CLEC6A: variants seen among roughly 807,000 people sequenced by gnomAD.
The protein encoded by CLEC6A is C-type lectin domain containing 6A.
CLEC6A carries 22 observed loss-of-function variants against 25.7 expected under a neutral mutation model. That is an observed-to-expected ratio of 0.85 (90% confidence interval 0.61 to 1.22). The LOEUF (loss-of-function observed/expected upper bound fraction) is 1.22. Ranked by LOEUF, CLEC6A falls within the 50% of genes most tolerant of loss-of-function variation. The probability of loss-of-function intolerance (pLI) is 0.00; values close to 1 mark genes in which losing one functional copy is unlikely to be tolerated. For synonymous variants in CLEC6A, 92 were observed against 76.7 expected (o/e 1.20, Z -1.04); for missense variants, 240 against 236.8 (o/e 1.01, Z -0.09).
At chr12:8,460,739 A>T in intron 3 of CLEC6A, 1 of 1,449,062 alleles carries the variant, frequency 6.9e-7, no homozygotes, top group Non-Finnish European at 9.7e-7. Flanking sequence ...AGGGCTCCCC[A>T]CCCCACCTGG....
rs750615757 is a variant in CLEC6A at position 8,459,637 on chromosome 12, G to A, written c.162G>A (p.Leu54=). The part of the protein sequence containing the change: ...HFTYGETGKR[L]SELHSYHSSL... ...CATATGGTGAAACTGGCAAAAGGCTGTCTGAACTACACTCATATCATTCAA... is the reference window on the plus strand; with the variant it reads ...CATATGGTGAAACTGGCAAAAGGCTATCTGAACTACACTCATATCATTCAA... Residue 54 remains leucine (L), a synonymous_variant, in exon 3 of 6, where the codon CTG becomes CTA. Coordinates refer to ENST00000382073, the MANE Select transcript of CLEC6A (RefSeq NM_001007033.2). 1 of 1,613,454 alleles carries A rather than the reference G, an allele frequency of 6.2e-7. No individual in the cohort carries two copies. Among genetic ancestry groups the A allele is most frequent in the Non-Finnish European group, 8.5e-7 (1 of 1,179,522 alleles).
chr12:8,463,871 G>A (rs1391966148), intron 3 of CLEC6A, among the ~76,000 whole-genome samples: 1 of 152,202 alleles, frequency 6.6e-6, no homozygotes, highest in East Asian at 1.9e-4. Flanking sequence ...TTTGACAGAT[G>A]CTTTTATTGA....
At chr12:8,465,029 T>A (rs1246904204) in intron 3 of CLEC6A, among the ~76,000 whole-genome samples, 1 of 152,210 alleles carries the variant, frequency 6.6e-6, no homozygotes, top group Non-Finnish European at 1.5e-5. Flanking sequence ...CTCAAAGACA[T>A]ACATGATAAA....
rs754739940 is a variant in CLEC6A at position 8,457,880 on chromosome 12, G to T, written c.32-18G>T. ...TGGCCCCCTGGTAACTGCATTTGTT[G>T]TCTTCCTGATTGGACAGAGAAAAGA... On this transcript the variant is annotated intron_variant, in intron 1 of 5. Coordinates refer to ENST00000382073, the MANE Select transcript of CLEC6A (RefSeq NM_001007033.2). 1.2e-6 allele frequency: 2 copies of T among 1,606,006 alleles called. No individual in the cohort carries two copies. The highest frequency in any genetic ancestry group is 2.7e-5 in the African/African-American group (2 of 74,836).
intron 5 of CLEC6A, 81 bp downstream of exon 5, chr12:8,476,321 TA>T: frequency 2.6e-6 from 2 of 777,366 alleles, no homozygotes; most frequent in Non-Finnish European, 4.4e-6. Context: ...TTAATATTGG[TA>T]ATTATGATAA....
rs983680665 is a variant in CLEC6A, at chr12:8,477,679, C to T, written c.*215C>T. 12 of 368,952 alleles carry T rather than the reference C, an allele frequency of 3.3e-5. No individual in the cohort carries two copies. Among genetic ancestry groups the T allele is most frequent in the African/African-American group, 4.2e-5 (2 of 47,362 alleles). The allele number at this position is 368,952 out of a possible 1,614,324, so 22.9% of individuals were successfully genotyped here. On this transcript the variant is annotated 3_prime_UTR_variant, in exon 6 of 6. Transcript: ENST00000382073. ...ATTAATGATAGAATGCACCCTTCCT[C>T]TCTTTGTTCCATTCTTTCACTTGTT... is the stretch of plus-strand genomic sequence containing the variant.
intron 4 of CLEC6A, 136 bp downstream of exon 4, chr12:8,465,765 T>G (rs1939821507): frequency 1.5e-6 from 1 of 665,938 alleles, no homozygotes; most frequent in Non-Finnish European, 2.2e-6. Context: ...TCTCTAGAAC[T>G]TTTTCATCTT....
chr12:8,457,352 A>G (rs751345913), intron 1 of CLEC6A, among the ~76,000 whole-genome samples: 3 of 152,216 alleles, frequency 2.0e-5, no homozygotes, highest in Admixed American at 2.0e-4. Context: ...GGCTCATTTC[A>G]CTTAACACGA....
rs746059514 is a variant in CLEC6A, at chr12:8,472,994, C to CTTTTTTTTTTTTTTTTTTTTT, written c.370-3112_370-3111insTTTTTTTTTTTTTTTTTTTTT. On this transcript the variant is annotated intron_variant, in intron 4 of 5. Coordinates refer to ENST00000382073, the MANE Select transcript of CLEC6A (RefSeq NM_001007033.2). The stretch of plus-strand genomic sequence containing the variant: ...AGTACTCAGTGTTTAGCTCCTACTT[C>CTTTTTTTTTTTTTTTTTTTTT]TTTTTTTTTTTTTTTTTTTGAGACG... Among the ~76,000 whole-genome samples the CTTTTTTTTTTTTTTTTTTTTT allele has an allele frequency of 2.2e-3, 8 of 3,580 alleles. 3 individuals are homozygous for CTTTTTTTTTTTTTTTTTTTTT. Among genetic ancestry groups the CTTTTTTTTTTTTTTTTTTTTT allele is most frequent in the African/African-American group, 3.7e-3 (8 of 2,158 alleles). The allele number at this position is 3,580 out of a possible 152,430, so 2.3% of individuals were successfully genotyped here. A position where few individuals can be genotyped will look rare whatever the true frequency, so the allele number is the denominator to read the frequency against.
intron 4 of CLEC6A, among the ~76,000 whole-genome samples, chr12:8,469,547 C>T (rs1343174367): frequency 6.6e-6 from 1 of 151,924 alleles, no homozygotes; most frequent in African/African-American, 2.4e-5. Context: ...ACTATAAGGC[C>T]GTATTCACCA....
At chr12:8,469,799 A>T (rs987897770) in intron 4 of CLEC6A, among the ~76,000 whole-genome samples, 1 of 152,216 alleles carries the variant, frequency 6.6e-6, no homozygotes, top group Admixed American at 6.5e-5. Flanking sequence ...TGGATCAAGG[A>T]CTTAAATCTA....
At chr12:8,465,248 T>A (rs1171013517) in intron 3 of CLEC6A, among the ~76,000 whole-genome samples, 2 of 151,574 alleles carry the variant, frequency 1.3e-5, no homozygotes, top group African/African-American at 4.8e-5. Flanking sequence ...AGTGACTTTT[T>A]TTTTTTTTGC....
intron 4 of CLEC6A, among the ~76,000 whole-genome samples, chr12:8,474,882 T>C: frequency 6.6e-6 from 1 of 152,176 alleles, no homozygotes; most frequent in Non-Finnish European, 1.5e-5. Flanking sequence ...TGCTACTTTC[T>C]TTCTTTTTTT....
In CLEC6A at chr12:8,476,176, T is replaced by C; in HGVS notation, c.421T>C (p.Ser141Pro). 6.2e-7 allele frequency: 1 copy of C among 1,610,788 alleles called. No individual in the cohort carries two copies. Among genetic ancestry groups the C allele is most frequent in the Non-Finnish European group, 8.5e-7 (1 of 1,179,216 alleles). The change falls in exon 5 of 6, where the codon TCA (serine) becomes CCA (proline). Residue 141 changes from serine (S) to proline (P), a missense_variant. Ser to Pro is a moderately conservative substitution (Grantham distance 74). Transcript: ENST00000382073. ...NESFSYFLGL[S>P]DPQGNNNWQW... is the part of the protein sequence containing the mutation. ...GTCATTTTCTTATTTTCTGGGGCTT[T>C]CAGACCCACAAGGTAATAATAATTG...
chr12:8,465,790 C>T (rs1014965909), intron 4 of CLEC6A, among the ~76,000 whole-genome samples, 161 bp downstream of exon 4: 7 of 152,136 alleles, frequency 4.6e-5, no homozygotes, highest in African/African-American at 7.2e-5. Context: ...AACTGGAACT[C>T]CCCACCCATT....
intron 3 of CLEC6A, among the ~76,000 whole-genome samples, chr12:8,461,581 TTA>T (rs1206873771): frequency 5.9e-5 from 9 of 152,234 alleles, no homozygotes; most frequent in Non-Finnish European, 1.3e-4. Flanking sequence ...ACAGAAAAGC[TTA>T]TGTGATAAAA....
intron 3 of CLEC6A, chr12:8,460,743 C>A: frequency 1.4e-6 from 2 of 1,444,700 alleles, no homozygotes; most frequent in Non-Finnish European, 1.9e-6. Context: ...CTCCCCACCC[C>A]ACCTGGCCTG....
intron 3 of CLEC6A, among the ~76,000 whole-genome samples, chr12:8,460,114 A>G (rs866959791): frequency 6.6e-6 from 1 of 152,220 alleles, no homozygotes; most frequent in African/African-American, 2.4e-5. Context: ...GATGAGACTG[A>G]TGCCTGTCCA....
chr12:8,457,015 C>T (rs1168848938), intron 1 of CLEC6A, among the ~76,000 whole-genome samples: 1 of 151,802 alleles, frequency 6.6e-6, no homozygotes, highest in African/African-American at 2.4e-5. Context: ...GAGGCTGAGG[C>T]AGGAGAATCA....
Sources: gnomAD v4.1 joint callset for allele counts (sites outside exome capture counted in the v4.1 genomes callset) on GRCh38, gnomAD v4.1.1 for gene constraint, MANE v1.5 for transcripts, NCBI Gene and HGNC (gene_info 2026-07-23, HGNC 2026-07-21) for gene names.